Variants in FAM107B observed in about 807,000 individuals in gnomAD.
The protein encoded by FAM107B is protein FAM107B.
A neutral mutation model predicts 31.5 loss-of-function variants in FAM107B; 21 were observed. The observed-to-expected ratio is 0.67, with a 90% CI of 0.47 to 0.96. FAM107B has a LOEUF of 0.96. Among genes scored for constraint, FAM107B ranks in the 40% least tolerant of loss-of-function variants. FAM107B has a pLI of 0.00. For missense variants in FAM107B, 452 were observed against 377.1 expected, an observed-to-expected ratio of 1.20 and a Z score of -1.64; for synonymous variants, 157 against 141.5, an observed-to-expected ratio of 1.11 and a Z score of -0.78.
chr10:14,648,994 T>C (rs1853833964), intron 2 of FAM107B, among the ~76,000 whole-genome samples: 1 of 152,194 alleles, frequency 6.6e-6, no homozygotes, highest in African/African-American at 2.4e-5. Context: ...AACAACATGG[T>C]AGGTTTCATT....
intron 2 of FAM107B, among the ~76,000 whole-genome samples, chr10:14,589,043 G>C (rs1268748009): frequency 6.6e-6 from 1 of 151,798 alleles, no homozygotes; most frequent in Non-Finnish European, 1.5e-5. Flanking sequence ...TTAGCCGGGT[G>C]TGGTGGTGCA....
At chr10:14,676,860 G>GA (rs775006667) in intron 1 of FAM107B, among the ~76,000 whole-genome samples, 14 of 152,218 alleles carry the variant, frequency 9.2e-5, no homozygotes, top group Non-Finnish European at 1.5e-4. Flanking sequence ...AAAGCTGCAA[G>GA]AAACGCTGTT....
intron 2 of FAM107B, among the ~76,000 whole-genome samples, chr10:14,557,268 A>G (rs901378218): frequency 6.6e-6 from 1 of 152,254 alleles, no homozygotes; most frequent in African/African-American, 2.4e-5. Context: ...CCTAGGGGCC[A>G]GGGCCATTTC....
intron 2 of FAM107B, among the ~76,000 whole-genome samples, chr10:14,621,381 CTT>C (rs1391071799): frequency 6.6e-6 from 1 of 152,192 alleles, no homozygotes; most frequent in Non-Finnish European, 1.5e-5. Context: ...ACTGCAGACT[CTT>C]TGATTCTAGA....
At chr10:14,536,953 A>T (rs1340206339) in intron 2 of FAM107B, among the ~76,000 whole-genome samples, 3 of 152,170 alleles carry the variant, frequency 2.0e-5, no homozygotes, top group Non-Finnish European at 2.9e-5. Context: ...CCGAAAATGT[A>T]TTTTTACAAA....
chr10:14,695,324 T>C (rs1165149420), intron 1 of FAM107B, among the ~76,000 whole-genome samples: 1 of 152,232 alleles, frequency 6.6e-6, no homozygotes, highest in South Asian at 2.1e-4. Context: ...TTTGGATTTA[T>C]ATCTGGGCTC....
intron 1 of FAM107B, among the ~76,000 whole-genome samples, chr10:14,670,849 T>C (rs1854523232): frequency 3.3e-5 from 5 of 152,242 alleles, no homozygotes; most frequent in Non-Finnish European, 7.3e-5. Flanking sequence ...GTATAAACTA[T>C]GTTCTATTTA....
At chr10:14,727,293 C>T (rs1317732929) in intron 1 of FAM107B, among the ~76,000 whole-genome samples, 1 of 152,216 alleles carries the variant, frequency 6.6e-6, no homozygotes. Flanking sequence ...CTGCTTTACA[C>T]TCTGACTTTT....
chr10:14,584,867 C>G (rs1213844414), intron 2 of FAM107B, among the ~76,000 whole-genome samples: 1 of 152,196 alleles, frequency 6.6e-6, no homozygotes, highest in African/African-American at 2.4e-5. Context: ...TGGTCACAGG[C>G]CAAGTCTTCA....
intron 2 of FAM107B, chr10:14,534,785 T>C (rs1472992454): frequency 6.6e-6 from 1 of 152,250 alleles, no homozygotes; most frequent in East Asian, 1.9e-4. Context: ...CCTTGTATTA[T>C]AGCAATGTGG....
At chr10:14,700,827 C>CAAA (rs1159035034) in intron 1 of FAM107B, among the ~76,000 whole-genome samples, 24 of 76,018 alleles carry the variant, frequency 3.2e-4, no homozygotes, top group African/African-American at 9.2e-4. Context: ...TGGCAAGAGG[C>CAAA]AAAAAAAAAA....
At chr10:14,522,574 C>A (rs541716514) in intron 3 of FAM107B, among the ~76,000 whole-genome samples, 2 of 152,184 alleles carry the variant, frequency 1.3e-5, no homozygotes, top group East Asian at 1.9e-4. Flanking sequence ...CACCACCACG[C>A]CCGGCTAATT....
intron 2 of FAM107B, among the ~76,000 whole-genome samples, chr10:14,595,328 T>G (rs370882085): frequency 2.0e-5 from 3 of 151,910 alleles, no homozygotes; most frequent in Non-Finnish European, 4.4e-5. Flanking sequence ...AATGCAGATA[T>G]GTACAGAGTC....
intron 2 of FAM107B, among the ~76,000 whole-genome samples, chr10:14,619,242 A>ACGGTCAGT: frequency 6.6e-6 from 1 of 152,320 alleles, no homozygotes; most frequent in East Asian, 1.9e-4. Flanking sequence ...ATAAGGCAGT[A>ACGGTCAGT]CGGTCAGTCG....
At chr10:14,558,197 TCAC>T (rs1849871229) in intron 2 of FAM107B, among the ~76,000 whole-genome samples, 3 of 73,754 alleles carry the variant, frequency 4.1e-5, no homozygotes, top group Non-Finnish European at 1.0e-4. Context: ...GTGCACACAC[TCAC>T]GTGCACGTGC....
In FAM107B at chr10:14,520,922, T is replaced by C. The variant is rs527428207; in HGVS notation, c.*268A>G. The C allele has an allele frequency of 2.0e-5, 7 of 357,088 alleles. No homozygotes were observed. Among genetic ancestry groups the C allele is most frequent in the African/African-American group, 1.0e-4 (5 of 47,700 alleles). The allele number at this position is 357,088 out of a possible 1,614,324, so 22.1% of individuals were successfully genotyped here. A position where few individuals can be genotyped will look rare whatever the true frequency, so the allele number is the denominator to read the frequency against. ...TCTTCCTTTTTCCTGTTCTCACTTG[T>C]TTTGCTTGTTGGTTCTGTTAAGTCT... On this transcript the variant is annotated 3_prime_UTR_variant, in exon 5 of 5. Coordinates refer to ENST00000181796, the MANE Select transcript of FAM107B (RefSeq NM_031453.4).
chr10:14,695,481 T>A (rs1351836037), intron 1 of FAM107B, among the ~76,000 whole-genome samples: 1 of 152,200 alleles, frequency 6.6e-6, no homozygotes, highest in Non-Finnish European at 1.5e-5. Flanking sequence ...GGTTCATTTG[T>A]GTTTCCATAT....
intron 1 of FAM107B, among the ~76,000 whole-genome samples, chr10:14,757,344 T>C (rs1462103091): frequency 6.6e-6 from 1 of 150,784 alleles, no homozygotes; most frequent in Non-Finnish European, 1.5e-5. Flanking sequence ...GACTGCAGTG[T>C]CCAATCCTGC....
chr10:14,743,280 G>A (rs1462593843), intron 1 of FAM107B, among the ~76,000 whole-genome samples: 2 of 152,092 alleles, frequency 1.3e-5, no homozygotes, highest in Non-Finnish European at 2.9e-5. Flanking sequence ...TGGATAGATT[G>A]CAAATTTTTT....
Sources: gnomAD v4.1 joint callset for allele counts (sites outside exome capture counted in the v4.1 genomes callset) on GRCh38, gnomAD v4.1.1 for gene constraint, MANE v1.5 for transcripts, NCBI Gene and HGNC (gene_info 2026-07-23, HGNC 2026-07-21) for gene names.